DNM3: variants seen among roughly 807,000 people sequenced by gnomAD.
The protein encoded by DNM3 is dynamin-3.
DNM3 carries 47 observed loss-of-function variants against 101.6 expected under a neutral mutation model. The observed-to-expected ratio is 0.46, with a 90% CI of 0.37 to 0.59. The LOEUF is 0.59. Ranked by LOEUF, DNM3 falls within the 20% of genes least tolerant of loss-of-function variation. The pLI, the probability that DNM3 is intolerant of heterozygous loss-of-function variation, is 0.00. For synonymous variants in DNM3, 385 were observed against 387.9 expected, an observed-to-expected ratio of 0.99 and a Z score of 0.09; for missense variants, 849 against 1,085.7, an observed-to-expected ratio of 0.78 and a Z score of 3.06.
At chr1:171,919,739 A>G (rs776383694) in intron 1 of DNM3, among the ~76,000 whole-genome samples, 4 of 152,214 alleles carry the variant, frequency 2.6e-5, no homozygotes, top group Non-Finnish European at 5.9e-5. Flanking sequence ...ATTTAGTTAT[A>G]TGTATTTAAA....
chr1:172,259,469 A>G (rs2062554607), intron 15 of DNM3, among the ~76,000 whole-genome samples: 2 of 151,944 alleles, frequency 1.3e-5, no homozygotes, highest in South Asian at 4.1e-4. Flanking sequence ...CAATCATTAT[A>G]TCCTCTTGAT....
chr1:171,938,031 GT>G (rs5778716), intron 2 of DNM3, among the ~76,000 whole-genome samples: 70,589 of 146,988 alleles, frequency 0.48, 16,996 homozygotes, highest in African/African-American at 0.59. Flanking sequence ...TTTTAATAGA[GT>G]TTTTTTTTTT....
chr1:172,288,692 G>A (rs2063789771), intron 15 of DNM3, among the ~76,000 whole-genome samples: 2 of 152,148 alleles, frequency 1.3e-5, no homozygotes, highest in Non-Finnish European at 2.9e-5. Context: ...AAGAGATGTC[G>A]TGAATGACAC....
intron 4 of DNM3, among the ~76,000 whole-genome samples, chr1:171,995,198 T>A (rs1392711537): frequency 6.8e-6 from 1 of 146,048 alleles, no homozygotes; most frequent in Non-Finnish European, 1.5e-5. Flanking sequence ...CTCTGCCTCC[T>A]GGGTTCAAGT....
chr1:172,314,883 G>T (rs2065252062), intron 16 of DNM3, among the ~76,000 whole-genome samples: 1 of 152,276 alleles, frequency 6.6e-6, no homozygotes, highest in African/African-American at 2.4e-5. Flanking sequence ...TTTGAAGAGA[G>T]CAGTGGTTCT....
At chr1:172,365,497 T>A (rs573211707) in intron 17 of DNM3, among the ~76,000 whole-genome samples, 21 of 152,094 alleles carry the variant, frequency 1.4e-4, no homozygotes, top group African/African-American at 5.1e-4. Context: ...GGCACTGTGG[T>A]TATGAGTTTT....
At chr1:172,269,415 A>G (rs1004951719) in intron 15 of DNM3, among the ~76,000 whole-genome samples, 3 of 152,168 alleles carry the variant, frequency 2.0e-5, no homozygotes, top group African/African-American at 7.2e-5. Flanking sequence ...GCTGCTATTC[A>G]TTAATGATAG....
At position 172,210,369 on chromosome 1, in the gene DNM3, G is replaced by T. The variant is rs148136605; in HGVS notation, c.1660-43204G>T. ...TTTGCGTTCTGAACAAAGAAATGTG[G>T]GACTCAGTAAGGTGAGAAAAATGAC... On this transcript the variant is annotated intron_variant, in intron 14 of 20. Transcript: ENST00000627582. 3.1e-3 allele frequency among the ~76,000 whole-genome samples: 438 copies of T among 143,278 alleles called. 1 individual carries two copies. Among genetic ancestry groups the T allele is most frequent in the African/African-American group, 0.011 (416 of 37,856 alleles). The allele number at this position is 143,278 out of a possible 152,430, so 94.0% of individuals were successfully genotyped here.
intron 20 of DNM3, among the ~76,000 whole-genome samples, chr1:172,418,026 G>A (rs1205028860): frequency 1.3e-5 from 2 of 152,182 alleles, no homozygotes; most frequent in Non-Finnish European, 2.9e-5. Context: ...CTTTTTGAGT[G>A]AGCTCAAATG....
At position 171,984,359 on chromosome 1, in the gene DNM3, A is replaced by G. The variant is rs575006377; in HGVS notation, c.236-3297A>G. On this transcript the variant is annotated intron_variant, in intron 2 of 20. Transcript: ENST00000627582. ...AATGGTCCACGGGCCCTCCACATCC[A>G]GGCCTGTCCACAGCACTGGCCTTGT... Among the ~76,000 whole-genome samples the G allele has an allele frequency of 3.9e-5, 6 of 152,254 alleles. No individual in the cohort carries two copies. The South Asian group carries it at 1.2e-3, about 32-fold the overall frequency.
chr1:172,171,768 C>T lies in DNM3; in HGVS notation c.1659+40480C>T, dbSNP rs555426299. ...TAAAATTGACTTAACCAATACTTAC[C>T]GTGTGGTTATCTTCAGTAGTGCTAA... is the stretch of plus-strand genomic sequence containing the variant. On this transcript the variant is annotated intron_variant, in intron 14 of 20. Transcript: ENST00000627582. 4.9e-4 allele frequency among the ~76,000 whole-genome samples: 75 copies of T among 151,762 alleles called. No homozygotes were observed. In the South Asian group the frequency reaches 0.015, roughly 29 times the overall value.
chr1:172,302,429 C>T (rs1005946706), intron 15 of DNM3, among the ~76,000 whole-genome samples: 2 of 152,260 alleles, frequency 1.3e-5, no homozygotes, highest in African/African-American at 4.8e-5. Flanking sequence ...ATGGACTCCA[C>T]ATCTGGGGAC....
chr1:171,856,421 T>A (rs2033617223), intron 1 of DNM3, among the ~76,000 whole-genome samples: 1 of 152,216 alleles, frequency 6.6e-6, no homozygotes, highest in Non-Finnish European at 1.5e-5. Flanking sequence ...ATGACATTGG[T>A]AGTTTGATAG....
At chr1:172,299,872 C>A (rs1347011465) in intron 15 of DNM3, among the ~76,000 whole-genome samples, 1 of 152,098 alleles carries the variant, frequency 6.6e-6, no homozygotes, top group Non-Finnish European at 1.5e-5. Flanking sequence ...TTTGGCAGAA[C>A]AATTTATTTT....
intron 14 of DNM3, among the ~76,000 whole-genome samples, chr1:172,247,874 A>G (rs898690971): frequency 2.2e-4 from 33 of 151,874 alleles, no homozygotes; most frequent in African/African-American, 7.0e-4. Flanking sequence ...TAGTAGAAAC[A>G]GGGTTTCACC....
rs1355620554 is a variant in DNM3 at position 172,410,533 on chromosome 1, A to C, written c.*2692A>C. 1 of 982,506 alleles carries C rather than the reference A, an allele frequency of 1.0e-6. No homozygotes were observed. Among genetic ancestry groups the C allele is most frequent in the African/African-American group, 1.7e-5 (1 of 57,180 alleles). The allele number at this position is 982,506 out of a possible 1,614,324, so 60.9% of individuals were successfully genotyped here. ...TTGTCACATGCTAAATATTGCATGC[A>C]TATTGACTAATTGGAATAACCATTT... is the stretch of plus-strand genomic sequence containing the variant. On this transcript the variant is annotated 3_prime_UTR_variant, in exon 21 of 21. Transcript: ENST00000627582.
At chr1:172,297,064 A>T (rs916026834) in intron 15 of DNM3, among the ~76,000 whole-genome samples, 3 of 150,094 alleles carry the variant, frequency 2.0e-5, no homozygotes, top group African/African-American at 4.9e-5. Context: ...AATCGCTTGA[A>T]CCTGGGAGGC....
intron 2 of DNM3, among the ~76,000 whole-genome samples, chr1:171,965,763 T>C (rs1363503477): frequency 6.6e-6 from 1 of 152,064 alleles, no homozygotes; most frequent in African/African-American, 2.4e-5. Context: ...TTATGGAGGT[T>C]CATTATATAG....
At chr1:172,207,380 A>G (rs1206155709) in intron 14 of DNM3, among the ~76,000 whole-genome samples, 1 of 152,140 alleles carries the variant, frequency 6.6e-6, no homozygotes, top group Non-Finnish European at 1.5e-5. Flanking sequence ...CTCCACCCTA[A>G]CTGAAGATGC....
Sources: gnomAD v4.1 joint callset for allele counts (sites outside exome capture counted in the v4.1 genomes callset) on GRCh38, gnomAD v4.1.1 for gene constraint, MANE v1.5 for transcripts, NCBI Gene and HGNC (gene_info 2026-07-23, HGNC 2026-07-21) for gene names.